Variants in ASCC3 observed in about 807,000 individuals in gnomAD.
ASCC3 encodes activating signal cointegrator 1 complex subunit 3.
A neutral mutation model predicts 256.3 loss-of-function variants in ASCC3; 158 were observed. That is an observed-to-expected ratio of 0.62 (90% CI 0.54 to 0.70). The LOEUF (loss-of-function observed/expected upper bound fraction) is 0.70. Ranked by LOEUF, ASCC3 falls within the 30% of genes least tolerant of loss-of-function variation. ASCC3 has a pLI of 0.00. For synonymous variants in ASCC3, 948 were observed against 883.4 expected (o/e 1.07, Z -1.30); for missense variants, 2,259 against 2,626.0 (o/e 0.86, Z 3.05).
chr6:100,725,235 C>T (rs1779567651), intron 11 of ASCC3, among the ~76,000 whole-genome samples: 1 of 151,892 alleles, frequency 6.6e-6, no homozygotes, highest in Non-Finnish European at 1.5e-5. Flanking sequence ...CAGAAAACAT[C>T]AGTTAAAAAC....
intron 10 of ASCC3, among the ~76,000 whole-genome samples, chr6:100,733,409 G>A (rs968493220): frequency 3.3e-5 from 5 of 152,116 alleles, no homozygotes; most frequent in Non-Finnish European, 7.4e-5. Context: ...GGGGGTGAGT[G>A]GATTTTCACT....
intron 4 of ASCC3, among the ~76,000 whole-genome samples, chr6:100,813,987 T>TCCACCACTA (rs1770616084): frequency 1.3e-5 from 2 of 152,224 alleles, no homozygotes; most frequent in Admixed American, 6.5e-5. Context: ...CTAAGTTGAA[T>TCCACCACTA]AGGTGAGAGA....
chr6:100,659,159 T>C (rs1224077729), intron 16 of ASCC3, among the ~76,000 whole-genome samples: 1 of 151,492 alleles, frequency 6.6e-6, no homozygotes, highest in Non-Finnish European at 1.5e-5. Flanking sequence ...AAGATATTAA[T>C]AGAGGCAACA....
At chr6:100,723,595 A>C (rs898836386) in intron 11 of ASCC3, among the ~76,000 whole-genome samples, 1 of 151,386 alleles carries the variant, frequency 6.6e-6, no homozygotes, top group Non-Finnish European at 1.5e-5. Context: ...CCACACTTGA[A>C]TCTGAATCAG....
intron 13 of ASCC3, among the ~76,000 whole-genome samples, chr6:100,687,714 A>G (rs1178607439): frequency 6.6e-6 from 1 of 152,132 alleles, no homozygotes. Flanking sequence ...TGCACTTAAA[A>G]GGGTGATGAT....
chr6:100,523,313 G>T (rs1217657569), intron 37 of ASCC3, among the ~76,000 whole-genome samples: 2 of 151,946 alleles, frequency 1.3e-5, no homozygotes, highest in Non-Finnish European at 2.9e-5. Flanking sequence ...ACAATAAAAT[G>T]CCAACATACT....
intron 13 of ASCC3, among the ~76,000 whole-genome samples, chr6:100,682,121 T>A (rs9403962): frequency 0.35 from 52,827 of 151,996 alleles, 10,844 homozygotes; most frequent in Middle Eastern, 0.52. Flanking sequence ...AAATTTTTTT[T>A]CTCTAATATA....
intron 11 of ASCC3, among the ~76,000 whole-genome samples, chr6:100,723,973 T>G (rs988122852): frequency 8.3e-5 from 12 of 145,108 alleles, no homozygotes; most frequent in Admixed American, 1.4e-4. Context: ...ATATACATAT[T>G]ATATATACAT....
intron 36 of ASCC3, among the ~76,000 whole-genome samples, chr6:100,576,672 A>G (rs1473175096): frequency 1.3e-5 from 2 of 151,870 alleles, no homozygotes; most frequent in Non-Finnish European, 2.9e-5. Flanking sequence ...CTCAGTAAAA[A>G]GTAATTATTA....
In ASCC3 at chr6:100,588,407, C is replaced by T. The variant is rs137944650; in HGVS notation, c.5550+1227G>A. On this transcript the variant is annotated intron_variant, in intron 36 of 41. Transcript: ENST00000369162. ...ACCATTATTTTGCTGCCTGTGCCAACAGTCTCTTCCCCAGAGAAATCCTAC... is the reference window on the plus strand; with the variant it reads ...ACCATTATTTTGCTGCCTGTGCCAATAGTCTCTTCCCCAGAGAAATCCTAC... 2.2e-4 allele frequency among the ~76,000 whole-genome samples: 34 copies of T among 152,270 alleles called. No homozygotes were observed. In the East Asian group the frequency reaches 6.0e-3, roughly 27 times the overall value.
intron 35 of ASCC3, 81 bp from the exon 36 acceptor site, chr6:100,589,849 G>C (rs530379906): frequency 6.3e-7 from 1 of 1,596,912 alleles, no homozygotes; most frequent in South Asian, 1.1e-5. Context: ...AGGTGCTTTT[G>C]AAACAATTTT....
At chr6:100,778,384 T>C (rs753958279) in intron 8 of ASCC3, among the ~76,000 whole-genome samples, 2 of 137,168 alleles carry the variant, frequency 1.5e-5, no homozygotes, top group Non-Finnish European at 3.1e-5. Context: ...GTTTGCATTC[T>C]AGTAATCTTT....
At chr6:100,723,718 A>T (rs767403298) in intron 11 of ASCC3, among the ~76,000 whole-genome samples, 3 of 150,974 alleles carry the variant, frequency 2.0e-5, no homozygotes, top group African/African-American at 4.9e-5. Flanking sequence ...TGGCTTCGGA[A>T]TCAAGTAGAT....
chr6:100,589,841 G>A (rs943052936), intron 35 of ASCC3, 73 bp from the exon 36 acceptor site: 2 of 1,602,224 alleles, frequency 1.2e-6, no homozygotes, highest in East Asian at 2.2e-5. Context: ...ATTCAGACAG[G>A]TGCTTTTGAA....
At chr6:100,640,667 A>C (rs1775078718) in intron 24 of ASCC3, among the ~76,000 whole-genome samples, 1 of 152,192 alleles carries the variant, frequency 6.6e-6, no homozygotes, top group Non-Finnish European at 1.5e-5. Context: ...ACTTGATGAA[A>C]GAAGACTGGA....
intron 25 of ASCC3, among the ~76,000 whole-genome samples, chr6:100,637,465 C>T (rs1774897573): frequency 6.6e-6 from 1 of 152,134 alleles, no homozygotes; most frequent in Non-Finnish European, 1.5e-5. Context: ...TTCATGCCTG[C>T]TAACATAACA....
chr6:100,763,227 G>C (rs1370916526), intron 10 of ASCC3, among the ~76,000 whole-genome samples: 2 of 152,052 alleles, frequency 1.3e-5, no homozygotes, highest in Non-Finnish European at 2.9e-5. Context: ...AGAAGAACAG[G>C]GTAAAAAGAT....
chr6:100,718,124 C>T lies in ASCC3; in HGVS notation c.2030G>A (p.Arg677Gln), dbSNP rs142555952. The T allele has an allele frequency of 1.2e-5, 19 of 1,613,248 alleles. No homozygotes were observed. The highest frequency in any genetic ancestry group is 5.0e-5 in the Admixed American group (3 of 59,868). ...AAATGTCTGTCCAAGAGGTACTGGT[C>T]GAAAACGGCCATCAAAGAAGAAAAG... ...IGLFFFDGRFRPVPLGQTFLG... is the reference protein window; with the variant it reads ...IGLFFFDGRFQPVPLGQTFLG... The change falls in exon 12 of 42, where the codon CGA becomes CAA. Residue 677 changes from arginine to glutamine, a missense_variant. Arg to Gln is a conservative substitution (Grantham distance 43). Coordinates refer to ENST00000369162, the MANE Select transcript of ASCC3 (RefSeq NM_006828.4).
At chr6:100,828,613 G>A (rs761807953) in intron 4 of ASCC3, among the ~76,000 whole-genome samples, 1 of 152,170 alleles carries the variant, frequency 6.6e-6, no homozygotes, top group Non-Finnish European at 1.5e-5. Context: ...CACTGGCTCA[G>A]GAGTGAAGCT....
Sources: gnomAD v4.1 joint callset for allele counts (sites outside exome capture counted in the v4.1 genomes callset) on GRCh38, gnomAD v4.1.1 for gene constraint, MANE v1.5 for transcripts, NCBI Gene and HGNC (gene_info 2026-07-23, HGNC 2026-07-21) for gene names.